Variants in ARHGAP10 observed in about 807,000 individuals in gnomAD.
The protein encoded by ARHGAP10 is rho GTPase-activating protein 10.
A neutral mutation model predicts 108.6 loss-of-function variants in ARHGAP10; 87 were observed. That is an observed-to-expected ratio of 0.80 (90% CI 0.67 to 0.96). The LOEUF (loss-of-function observed/expected upper bound fraction) is 0.96, where lower values mean the gene tolerates loss of function less well. Ranked by LOEUF, ARHGAP10 falls within the 40% of genes least tolerant of loss-of-function variation. The pLI is 0.00. For missense variants in ARHGAP10, 939 were observed against 954.5 expected (o/e 0.98, Z 0.21); for synonymous variants, 347 against 341.1 (o/e 1.02, Z -0.19).
chr4:147,935,733 A>G (rs938610124), intron 13 of ARHGAP10, among the ~76,000 whole-genome samples: 2 of 152,248 alleles, frequency 1.3e-5, no homozygotes, highest in African/African-American at 4.8e-5. Context: ...CATTTAGTTC[A>G]GAGCCTTTGA....
In ARHGAP10 at chr4:147,838,259, A is replaced by G. The variant is rs1733254373; in HGVS notation, c.313-8892A>G. Among the ~76,000 whole-genome samples, 3 of 152,240 alleles carry G rather than the reference A, an allele frequency of 2.0e-5. No homozygotes were observed. In the East Asian group the frequency reaches 5.8e-4, roughly 29 times the overall value. On this transcript the variant is annotated intron_variant, in intron 3 of 22. Coordinates refer to ENST00000336498, the MANE Select transcript of ARHGAP10 (RefSeq NM_024605.4). The stretch of plus-strand genomic sequence containing the variant: ...TTCTGATGCTTTCACTGGAAATTTT[A>G]TCTCAAGCCAAAAGTATATGTTAGC...
rs528589522 is a variant in ARHGAP10 at position 147,891,124 on chromosome 4, A to G, written c.1034+9192A>G. 8.5e-5 allele frequency among the ~76,000 whole-genome samples: 13 copies of G among 152,350 alleles called. 1 individual carries two copies. The highest frequency in any genetic ancestry group is 8.3e-4 in the South Asian group (4 of 4,830). The stretch of plus-strand genomic sequence containing the variant: ...CCTCTGACCCAGAAATTCTGCTCCT[A>G]GCTATACATTCAAGAGAAATGAAAG... On this transcript the variant is annotated intron_variant, in intron 10 of 22. Transcript: ENST00000336498.
chr4:147,795,269 T>C (rs1036793646), intron 1 of ARHGAP10, among the ~76,000 whole-genome samples: 7 of 152,214 alleles, frequency 4.6e-5, no homozygotes, highest in African/African-American at 1.7e-4. Flanking sequence ...TGATATGTAA[T>C]CTACTTGCCT....
At chr4:148,071,901 C>T (rs1204717266) in intron 22 of ARHGAP10, 92 bp from the exon 23 acceptor site, 2 of 1,062,112 alleles carry the variant, frequency 1.9e-6, no homozygotes, top group African/African-American at 1.6e-5. Context: ...CTGTTCTCTA[C>T]TGGCCACTCC....
chr4:147,965,202 A>G, intron 17 of ARHGAP10, 73 bp downstream of exon 17: 1 of 1,158,804 alleles, frequency 8.6e-7, no homozygotes, highest in Non-Finnish European at 1.2e-6. Context: ...GGGATTTGTG[A>G]CGGGTGGAAC....
chr4:148,003,508 G>A (rs1447457817), intron 18 of ARHGAP10, among the ~76,000 whole-genome samples: 1 of 152,096 alleles, frequency 6.6e-6, no homozygotes, highest in Non-Finnish European at 1.5e-5. Flanking sequence ...TGTTGACAGT[G>A]GGGTGTTAAA....
At chr4:147,772,025 C>T (rs1268365760) in intron 1 of ARHGAP10, among the ~76,000 whole-genome samples, 2 of 152,182 alleles carry the variant, frequency 1.3e-5, no homozygotes, top group African/African-American at 2.4e-5. Context: ...CTCTTGACCT[C>T]GGGATCTGCC....
At chr4:147,978,379 G>T (rs1193528325) in intron 18 of ARHGAP10, among the ~76,000 whole-genome samples, 2 of 152,110 alleles carry the variant, frequency 1.3e-5, no homozygotes, top group African/African-American at 4.8e-5. Context: ...ACTGGTGTGA[G>T]ATGGTGATAT....
chr4:147,939,085 T>TA (rs755530710), intron 13 of ARHGAP10, among the ~76,000 whole-genome samples: 1 of 152,252 alleles, frequency 6.6e-6, no homozygotes, highest in African/African-American at 2.4e-5. Context: ...CCCTTAATGC[T>TA]ACTCAGTTTG....
intron 18 of ARHGAP10, among the ~76,000 whole-genome samples, chr4:148,007,671 T>G (rs1191318885): frequency 6.6e-6 from 1 of 152,346 alleles, no homozygotes; most frequent in Non-Finnish European, 1.5e-5. Flanking sequence ...ATTGTGTAAC[T>G]TCAGCAATTC....
At chr4:147,799,891 C>G (rs1475400007) in intron 1 of ARHGAP10, among the ~76,000 whole-genome samples, 3 of 152,050 alleles carry the variant, frequency 2.0e-5, no homozygotes, top group African/African-American at 7.2e-5. Context: ...GTATTCTGGA[C>G]ATTTTGCCTA....
chr4:148,025,792 C>T (rs1213819897), intron 19 of ARHGAP10, among the ~76,000 whole-genome samples: 2 of 151,868 alleles, frequency 1.3e-5, no homozygotes, highest in Non-Finnish European at 2.9e-5. Flanking sequence ...TTGAAGGTTT[C>T]AAAAAGTTTA....
intron 19 of ARHGAP10, among the ~76,000 whole-genome samples, chr4:148,032,179 G>C (rs1393063976): frequency 1.3e-5 from 2 of 151,860 alleles, no homozygotes; most frequent in Non-Finnish European, 1.5e-5. Context: ...AGTATAAAAA[G>C]ATACAAAGTG....
At chr4:148,056,960 C>T (rs1578834871) in intron 20 of ARHGAP10, among the ~76,000 whole-genome samples, 1 of 152,240 alleles carries the variant, frequency 6.6e-6, no homozygotes, top group Non-Finnish European at 1.5e-5. Context: ...TCATTTAAAC[C>T]CACAGTGACC....
intron 3 of ARHGAP10, among the ~76,000 whole-genome samples, chr4:147,838,633 A>AACTAGCCTCC (rs1357227675): frequency 6.6e-5 from 10 of 152,130 alleles, no homozygotes; most frequent in South Asian, 4.1e-4. Flanking sequence ...TCTCGGCCTC[A>AACTAGCCTCC]ACTAGCCTCC....
At chr4:148,038,740 G>C (rs561181001) in intron 19 of ARHGAP10, among the ~76,000 whole-genome samples, 3 of 152,292 alleles carry the variant, frequency 2.0e-5, no homozygotes, top group Admixed American at 6.5e-5. Context: ...AGGCACAAGG[G>C]GATATAGGGG....
chr4:147,826,032 C>T (rs1238058983), intron 3 of ARHGAP10, among the ~76,000 whole-genome samples: 2 of 152,102 alleles, frequency 1.3e-5, no homozygotes, highest in Admixed American at 6.5e-5. Flanking sequence ...CCAGGTGGGG[C>T]GGGGCTACAG....
At chr4:147,762,196 T>A (rs1729615674) in intron 1 of ARHGAP10, among the ~76,000 whole-genome samples, 1 of 152,080 alleles carries the variant, frequency 6.6e-6, no homozygotes, top group African/African-American at 2.4e-5. Context: ...TTAGTAGAGA[T>A]CTGGTTTCAC....
At chr4:147,772,848 A>G (rs765571927) in intron 1 of ARHGAP10, among the ~76,000 whole-genome samples, 5 of 152,084 alleles carry the variant, frequency 3.3e-5, no homozygotes, top group Non-Finnish European at 7.4e-5. Context: ...CCTGAAAGCT[A>G]TTCTTGGTGG....
Sources: gnomAD v4.1 joint callset for allele counts (sites outside exome capture counted in the v4.1 genomes callset) on GRCh38, gnomAD v4.1.1 for gene constraint, MANE v1.5 for transcripts, NCBI Gene and HGNC (gene_info 2026-07-23, HGNC 2026-07-21) for gene names.